CTNNA2: variants seen among roughly 807,000 people sequenced by gnomAD.
CTNNA2 encodes catenin alpha 2, also known as catenin alpha-2.
A neutral mutation model predicts 101.0 loss-of-function variants in CTNNA2; 42 were observed. The ratio of observed to expected loss-of-function variants is 0.42; its 90% CI spans 0.32 to 0.54. The LOEUF is 0.54. CTNNA2 is among the 20% of genes least tolerant of loss of function. CTNNA2 has a pLI of 0.14. For synonymous variants in CTNNA2, 450 were observed against 456.4 expected (o/e 0.99, Z 0.18); for missense variants, 871 against 1,223.1 (o/e 0.71, Z 4.29).
At chr2:79,199,841 A>G (rs1399002727) in intron 2 of CTNNA2, among the ~76,000 whole-genome samples, 1 of 152,212 alleles carries the variant, frequency 6.6e-6, no homozygotes, top group Non-Finnish European at 1.5e-5. Flanking sequence ...AGCTGGGACT[A>G]CAGATGGTTG....
chr2:80,633,680 T>A (rs1573521971), intron 18 of CTNNA2, among the ~76,000 whole-genome samples: 1 of 152,284 alleles, frequency 6.6e-6, no homozygotes, highest in South Asian at 2.1e-4. Flanking sequence ...AAGTTAACTT[T>A]TCTCTATTTC....
At chr2:79,977,248 A>T (rs1285617520) in intron 7 of CTNNA2, among the ~76,000 whole-genome samples, 1 of 151,872 alleles carries the variant, frequency 6.6e-6, no homozygotes, top group East Asian at 2.0e-4. Flanking sequence ...ACACACACAC[A>T]CACACACACT....
Position 80,490,269 on chromosome 2 carries a change from CT to C in CTNNA2, c.1291-54711del, listed in dbSNP as rs1408370955. On this transcript the variant is annotated intron_variant, in intron 9 of 18. Coordinates refer to ENST00000402739, the MANE Select transcript of CTNNA2 (RefSeq NM_001282597.3). ...GATTCAGAGTTGGCATTTTTTTTTC[CT>C]TCCCCCCCCACCCCCCCCCCGGTAA... 1.6e-3 allele frequency among the ~76,000 whole-genome samples: 92 copies of C among 56,520 alleles called. 2 individuals carry two copies. In the East Asian group the frequency reaches 0.046, roughly 28 times the overall value. 37.1% of individuals were successfully genotyped at this position (56,520 alleles called of 152,430 possible). A position where few individuals can be genotyped will look rare whatever the true frequency, so the allele number is the denominator to read the frequency against.
At chr2:79,361,433 A>G (rs1677627149) in intron 3 of CTNNA2, among the ~76,000 whole-genome samples, 2 of 152,202 alleles carry the variant, frequency 1.3e-5, no homozygotes, top group Admixed American at 1.3e-4. Context: ...AACACCGATT[A>G]GGGTTCTTTG....
At chr2:80,436,507 G>A (rs1294396364) in intron 9 of CTNNA2, among the ~76,000 whole-genome samples, 1 of 152,076 alleles carries the variant, frequency 6.6e-6, no homozygotes, top group Non-Finnish European at 1.5e-5. Context: ...ATATATATGT[G>A]GGAATCTCCT....
intron 9 of CTNNA2, among the ~76,000 whole-genome samples, chr2:80,462,438 T>C (rs1249749368): frequency 6.6e-6 from 1 of 152,136 alleles, no homozygotes; most frequent in Admixed American, 6.6e-5. Context: ...TCATTTTAAT[T>C]CTTTTTTAAG....
chr2:80,067,977 CAA>C (rs1299661452), intron 7 of CTNNA2, among the ~76,000 whole-genome samples: 8 of 152,182 alleles, frequency 5.3e-5, no homozygotes, highest in Admixed American at 3.9e-4. Context: ...CCCCAGGCCA[CAA>C]CTAGTCAGCT....
chr2:79,909,951 T>G (rs1415201951), intron 7 of CTNNA2, among the ~76,000 whole-genome samples, 154 bp downstream of exon 7: 1 of 152,088 alleles, frequency 6.6e-6, no homozygotes, highest in Non-Finnish European at 1.5e-5. Context: ...GGAGAGCGCG[T>G]GTCGTGTGTG....
chr2:80,465,806 A>G (rs527311729), intron 9 of CTNNA2, among the ~76,000 whole-genome samples: 5 of 152,092 alleles, frequency 3.3e-5, no homozygotes, highest in Non-Finnish European at 7.4e-5. Context: ...TGAGCTCTTC[A>G]TTTATTTGTT....
At chr2:80,515,819 G>C (rs1434494663) in intron 9 of CTNNA2, among the ~76,000 whole-genome samples, 2 of 152,184 alleles carry the variant, frequency 1.3e-5, no homozygotes, top group Admixed American at 6.5e-5. Flanking sequence ...AATCAATTGA[G>C]GCTTCAGATT....
intron 6 of CTNNA2, among the ~76,000 whole-genome samples, chr2:79,876,491 T>A (rs575585382): frequency 7.2e-5 from 11 of 152,206 alleles, no homozygotes; most frequent in Admixed American, 2.0e-4. Flanking sequence ...ATTATTCTAG[T>A]TATAATTTAT....
chr2:80,497,722 C>A (rs2149527537), intron 9 of CTNNA2, among the ~76,000 whole-genome samples: 1 of 152,240 alleles, frequency 6.6e-6, no homozygotes, highest in East Asian at 1.9e-4. Context: ...CTCCTCCTGG[C>A]CTTAAAGGAG....
intron 4 of CTNNA2, among the ~76,000 whole-genome samples, chr2:79,446,929 G>A (rs949769941): frequency 6.6e-6 from 1 of 151,992 alleles, no homozygotes; most frequent in Non-Finnish European, 1.5e-5. Flanking sequence ...TGTGATTAGA[G>A]AAAATAGCCT....
intron 9 of CTNNA2, among the ~76,000 whole-genome samples, chr2:80,441,082 C>A (rs1308021533): frequency 6.6e-6 from 1 of 152,094 alleles, no homozygotes; most frequent in Non-Finnish European, 1.5e-5. Context: ...ACATGCTTCC[C>A]CTAACATCCA....
intron 2 of CTNNA2, among the ~76,000 whole-genome samples, chr2:79,293,748 T>G (rs1675893352): frequency 6.6e-6 from 1 of 152,112 alleles, no homozygotes; most frequent in Non-Finnish European, 1.5e-5. Flanking sequence ...TGTCTTTGAA[T>G]AGGGAGAAAC....
At chr2:79,981,226 A>C (rs1691243602) in intron 7 of CTNNA2, among the ~76,000 whole-genome samples, 1 of 152,144 alleles carries the variant, frequency 6.6e-6, no homozygotes, top group Admixed American at 6.6e-5. Context: ...AAAACCAAAA[A>C]ATAGGGGGCT....
chr2:79,749,444 G>C (rs1229095697), intron 3 of CTNNA2, among the ~76,000 whole-genome samples: 1 of 152,180 alleles, frequency 6.6e-6, no homozygotes, highest in Non-Finnish European at 1.5e-5. Flanking sequence ...AGGATATCTA[G>C]TTTGGTGTGT....
At chr2:80,530,197 G>A (rs1388262908) in intron 9 of CTNNA2, among the ~76,000 whole-genome samples, 5 of 152,130 alleles carry the variant, frequency 3.3e-5, no homozygotes, top group Admixed American at 6.5e-5. Flanking sequence ...CTGAGAGGGC[G>A]TGAAATAACC....
intron 7 of CTNNA2, among the ~76,000 whole-genome samples, chr2:80,244,473 A>G (rs544178229): frequency 6.6e-5 from 10 of 152,350 alleles, no homozygotes; most frequent in Non-Finnish European, 1.5e-4. Context: ...CGTTTTGTTC[A>G]TGGAGCAGAT....
Sources: allele counts gnomAD v4.1 joint callset (sites outside exome capture counted in the v4.1 genomes callset), GRCh38; gene constraint gnomAD v4.1.1; transcripts MANE v1.5; gene names NCBI Gene and HGNC (gene_info 2026-07-23, HGNC 2026-07-21).